The following MLLT3 variants were observed in gnomAD, a reference collection of about 807,000 sequenced individuals.
MLLT3 encodes the protein protein AF-9.
A neutral mutation model predicts 53.2 loss-of-function variants in MLLT3; 4 were observed. That is an observed-to-expected ratio of 0.08 (90% confidence interval 0.04 to 0.17). MLLT3 has a LOEUF of 0.17. MLLT3 is among the 10% of genes least tolerant of loss of function. The probability of loss-of-function intolerance (pLI) is 1.00; values close to 1 mark genes in which losing one functional copy is unlikely to be tolerated. For missense variants in MLLT3, 569 were observed against 684.0 expected (o/e 0.83, Z 1.87); for synonymous variants, 283 against 230.6 (o/e 1.23, Z -2.06).
At chr9:20,519,996 G>T (rs1415554763) in intron 2 of MLLT3, among the ~76,000 whole-genome samples, 1 of 152,118 alleles carries the variant, frequency 6.6e-6, no homozygotes, top group Non-Finnish European at 1.5e-5. Context: ...GTACATATAT[G>T]CCATGGAATA....
chr9:20,535,445 C>T (rs1024993346), intron 2 of MLLT3, among the ~76,000 whole-genome samples: 1 of 151,962 alleles, frequency 6.6e-6, no homozygotes, highest in Admixed American at 6.6e-5. Context: ...TCAGGTCTAC[C>T]CCAGAAAGCC....
At chr9:20,589,566 C>A (rs1184945323) in intron 2 of MLLT3, among the ~76,000 whole-genome samples, 2 of 143,082 alleles carry the variant, frequency 1.4e-5, no homozygotes, top group East Asian at 4.1e-4. Context: ...CACATGTACC[C>A]TAAAACTTAA....
chr9:20,576,153 C>T (rs370366499), intron 2 of MLLT3, among the ~76,000 whole-genome samples: 7 of 152,276 alleles, frequency 4.6e-5, no homozygotes, highest in South Asian at 4.1e-4. Flanking sequence ...AAACAACCTC[C>T]AAACTATTCT....
chr9:20,449,767 T>G (rs1268480306), intron 3 of MLLT3, among the ~76,000 whole-genome samples: 2 of 152,148 alleles, frequency 1.3e-5, no homozygotes, highest in African/African-American at 4.8e-5. Context: ...GAAATCTACT[T>G]TTCCTCTCTC....
chr9:20,544,011 T>C (rs975818929), intron 2 of MLLT3, among the ~76,000 whole-genome samples: 6 of 152,082 alleles, frequency 3.9e-5, no homozygotes, highest in Non-Finnish European at 7.4e-5. Context: ...GACAGACATA[T>C]AAATAAACAG....
rs1820797806 is a variant in MLLT3 at position 20,343,710 on chromosome 9, T to C, written c.*2733A>G. ...ATTCACATTTACCCAATTAATTTTA[T>C]TTGAAACATCTATTTATATATGTAC... On this transcript the variant is annotated 3_prime_UTR_variant, in exon 11 of 11. Coordinates refer to ENST00000380338, the MANE Select transcript of MLLT3 (RefSeq NM_004529.4). The C allele has an allele frequency of 4.5e-6, 1 of 220,560 alleles. No individual in the cohort carries two copies. Among genetic ancestry groups the C allele is most frequent in the South Asian group, 1.8e-4 (1 of 5,420 alleles). 13.7% of individuals were successfully genotyped at this position (220,560 alleles called of 1,614,324 possible). A position where few individuals can be genotyped will look rare whatever the true frequency, so the allele number is the denominator to read the frequency against.
chr9:20,345,042 A>G lies in MLLT3; in HGVS notation c.*1401T>C, dbSNP rs1401426986. ...TCTCCACTTATGGAGAAGATGGAAT[A>G]ATGACACCAAAAGTACTTTGGTTTT... On this transcript the variant is annotated 3_prime_UTR_variant, in exon 11 of 11. Transcript: ENST00000380338. 1 of 216,160 alleles carries G rather than the reference A, an allele frequency of 4.6e-6. No individual in the cohort carries two copies. The highest frequency in any genetic ancestry group is 6.9e-5 in the East Asian group (1 of 14,572). 13.4% of individuals were successfully genotyped at this position (216,160 alleles called of 1,614,324 possible). A position where few individuals can be genotyped will look rare whatever the true frequency, so the allele number is the denominator to read the frequency against.
At chr9:20,352,815 A>C (rs1217593687) in intron 10 of MLLT3, among the ~76,000 whole-genome samples, 1 of 152,024 alleles carries the variant, frequency 6.6e-6, no homozygotes, top group Non-Finnish European at 1.5e-5. Flanking sequence ...TCAAACAGCG[A>C]AACAATCTAC....
At chr9:20,369,683 A>T (rs1386302316) in intron 5 of MLLT3, among the ~76,000 whole-genome samples, 3 of 152,212 alleles carry the variant, frequency 2.0e-5, no homozygotes, top group Non-Finnish European at 4.4e-5. Context: ...TTTTATTTTT[A>T]AAATGTCACA....
chr9:20,576,960 G>A (rs1391413384), intron 2 of MLLT3, among the ~76,000 whole-genome samples: 1 of 152,144 alleles, frequency 6.6e-6, no homozygotes, highest in Non-Finnish European at 1.5e-5. Flanking sequence ...GGGCAATATA[G>A]TGAGATCTCA....
intron 2 of MLLT3, among the ~76,000 whole-genome samples, chr9:20,547,678 C>T (rs1818824007): frequency 6.8e-6 from 1 of 146,382 alleles, no homozygotes; most frequent in African/African-American, 2.5e-5. Context: ...ATACACTGGA[C>T]AGTGGCTCAC....
intron 2 of MLLT3, among the ~76,000 whole-genome samples, chr9:20,544,057 A>G (rs1818718713): frequency 6.6e-6 from 1 of 152,244 alleles, no homozygotes; most frequent in Non-Finnish European, 1.5e-5. Context: ...AGTCTTATAG[A>G]TATGGACAAA....
intron 6 of MLLT3, 111 bp downstream of exon 6, chr9:20,365,558 T>C: frequency 8.2e-7 from 1 of 1,216,288 alleles, no homozygotes; most frequent in East Asian, 2.4e-5. Flanking sequence ...CCGTGTTAGC[T>C]AGGATGGTCT....
intron 2 of MLLT3, among the ~76,000 whole-genome samples, chr9:20,559,435 T>C (rs923714327): frequency 2.0e-5 from 3 of 152,196 alleles, no homozygotes; most frequent in Non-Finnish European, 4.4e-5. Flanking sequence ...GGTGGGGGCA[T>C]TTTACACCAG....
intron 7 of MLLT3, chr9:20,363,081 T>C (rs532082551): frequency 1.3e-5 from 2 of 159,266 alleles, no homozygotes; most frequent in African/African-American, 4.8e-5. Flanking sequence ...CATAATTCAC[T>C]GGAGCCAATT....
rs1820843634 is a variant in MLLT3, at chr9:20,345,507, A to G, written c.*936T>C. On this transcript the variant is annotated 3_prime_UTR_variant, in exon 11 of 11. Transcript: ENST00000380338. ...ACAGGACCAGAATTCTTTTTTTTTAAATGATGATCCTGTGGAATGCCTTTA... is the reference window on the plus strand; with the variant it reads ...ACAGGACCAGAATTCTTTTTTTTTAGATGATGATCCTGTGGAATGCCTTTA... The G allele has an allele frequency of 4.9e-6, 1 of 202,598 alleles. No individual in the cohort carries two copies. Among genetic ancestry groups the G allele is most frequent in the African/African-American group, 2.3e-5 (1 of 43,586 alleles). 12.6% of individuals were successfully genotyped at this position (202,598 alleles called of 1,614,324 possible).
At chr9:20,574,593 TA>T (rs1015356865) in intron 2 of MLLT3, among the ~76,000 whole-genome samples, 5 of 152,292 alleles carry the variant, frequency 3.3e-5, no homozygotes, top group East Asian at 1.9e-4. Flanking sequence ...CTTTATTGCT[TA>T]AAAAAATGCT....
chr9:20,433,150 G>T (rs1170866964), intron 4 of MLLT3, among the ~76,000 whole-genome samples: 1 of 152,012 alleles, frequency 6.6e-6, no homozygotes, highest in East Asian at 1.9e-4. Context: ...CCCGTACAGG[G>T]GCTGGGAGCC....
intron 5 of MLLT3, among the ~76,000 whole-genome samples, chr9:20,388,630 A>G (rs958270852): frequency 5.9e-5 from 9 of 152,154 alleles, no homozygotes; most frequent in Non-Finnish European, 1.2e-4. Flanking sequence ...CCATTAAAAA[A>G]CAATAATAAG....
Sources: allele counts gnomAD v4.1 joint callset (sites outside exome capture counted in the v4.1 genomes callset), GRCh38; gene constraint gnomAD v4.1.1; transcripts MANE v1.5; gene names NCBI Gene and HGNC (gene_info 2026-07-23, HGNC 2026-07-21).